The following TNRC18 variants were observed in gnomAD, a reference collection of about 807,000 sequenced individuals.
The protein encoded by TNRC18 is trinucleotide repeat-containing gene 18 protein.
A neutral mutation model predicts 226.7 loss-of-function variants in TNRC18; 69 were observed. The observed-to-expected ratio is 0.30, with a 90% CI of 0.25 to 0.37. The LOEUF (loss-of-function observed/expected upper bound fraction) is 0.37, where lower values mean the gene tolerates loss of function less well. TNRC18 is among the 10% of genes least tolerant of loss of function. The pLI, the probability that TNRC18 is intolerant of heterozygous loss-of-function variation, is 1.00. For missense variants in TNRC18, 4,754 were observed against 4,256.6 expected (o/e 1.12, Z -3.25); for synonymous variants, 2,449 against 1,927.6 (o/e 1.27, Z -7.09).
chr7:5,346,410 C>T (rs778768959), intron 17 of TNRC18, among the ~76,000 whole-genome samples: 2 of 152,130 alleles, frequency 1.3e-5, no homozygotes, highest in African/African-American at 4.8e-5. Context: ...CTCCTGGCAT[C>T]GCTTGAACCC....
chr7:5,314,715 G>A (rs891770975), intron 26 of TNRC18, among the ~76,000 whole-genome samples: 6 of 152,018 alleles, frequency 3.9e-5, no homozygotes, highest in African/African-American at 1.5e-4. Context: ...TGGGATTACA[G>A]GCACTCACCA....
At chr7:5,390,260 G>A in intron 4 of TNRC18, 1 of 559,106 alleles carries the variant, frequency 1.8e-6, no homozygotes. Context: ...AGCTACTTGG[G>A]GGGCTGAGTC....
Position 5,361,574 on chromosome 7 carries a change from C to A in TNRC18, c.4661+20G>T. The A allele has an allele frequency of 1.3e-6, 2 of 1,492,510 alleles. 1 individual carries two copies. The highest frequency in any genetic ancestry group is 2.6e-5 in the South Asian group (2 of 75,656). 92.5% of individuals were successfully genotyped at this position (1,492,510 alleles called of 1,614,324 possible). On this transcript the variant is annotated intron_variant, in intron 14 of 29. Coordinates refer to ENST00000430969, the MANE Select transcript of TNRC18 (RefSeq NM_001080495.3). ...TCAAGCTGTGTGCCAGTCCCCGACCCACCGAGGGGCCAGCCTTACTTTCCG... is the reference window on the plus strand; with the variant it reads ...TCAAGCTGTGTGCCAGTCCCCGACCAACCGAGGGGCCAGCCTTACTTTCCG...
chr7:5,376,723 G>T, intron 8 of TNRC18, 124 bp downstream of exon 8: 1 of 1,196,550 alleles, frequency 8.4e-7, no homozygotes, highest in Non-Finnish European at 1.2e-6. Flanking sequence ...CTGAACCCCG[G>T]TCCGCCTCCC....
At chr7:5,406,835 A>G (rs977974963) in intron 2 of TNRC18, among the ~76,000 whole-genome samples, 61 of 149,846 alleles carry the variant, frequency 4.1e-4, no homozygotes, top group African/African-American at 1.5e-3. Flanking sequence ...TGGGCGACAG[A>G]GCGAGACTCT....
intron 18 of TNRC18, among the ~76,000 whole-genome samples, chr7:5,343,884 T>C (rs896910932): frequency 6.6e-6 from 1 of 152,170 alleles, no homozygotes; most frequent in Admixed American, 6.5e-5. Context: ...CGCTTTATGG[T>C]TTGGAAGCAA....
rs111312278 is a variant in TNRC18, at chr7:5,351,616, A to T, written c.5470+203T>A. Among the ~76,000 whole-genome samples, 5,910 of 152,270 alleles carry T rather than the reference A, an allele frequency of 0.039. 378 individuals are homozygous for T. Among genetic ancestry groups the T allele is most frequent in the African/African-American group, 0.13 (5,567 of 41,516 alleles). On this transcript the variant is annotated intron_variant, in intron 17 of 29. Coordinates refer to ENST00000430969, the MANE Select transcript of TNRC18 (RefSeq NM_001080495.3). Reference sequence around the variant, plus strand: ...GATATTATCACAATGATACAGTACAAATCAAAGCAAAAATCAAAATCATTC... The same window carrying T: ...GATATTATCACAATGATACAGTACATATCAAAGCAAAAATCAAAATCATTC...
intron 12 of TNRC18, 118 bp downstream of exon 12, chr7:5,362,532 G>C (rs1583916961): frequency 1.0e-6 from 1 of 982,156 alleles, no homozygotes; most frequent in African/African-American, 1.7e-5. Context: ...GCTGAACGTA[G>C]CTCAGGCCTC....
intron 17 of TNRC18, among the ~76,000 whole-genome samples, chr7:5,349,621 G>A (rs146032901): frequency 3.9e-5 from 6 of 152,286 alleles, no homozygotes; most frequent in East Asian, 1.9e-4. Flanking sequence ...AGCCAGGCTC[G>A]CACCCAAGCT....
In TNRC18 at chr7:5,421,339, C is replaced by T. The variant is rs746294727; in HGVS notation, c.-93G>A. On this transcript the variant is annotated 5_prime_UTR_variant, in exon 2 of 30. Coordinates refer to ENST00000430969, the MANE Select transcript of TNRC18 (RefSeq NM_001080495.3). The stretch of plus-strand genomic sequence containing the variant: ...TTCGGCCTCGGCGTAGTCCCAGAGT[C>T]CTCGGGCGGCGGGGGCTCCGCGGCG... 24 of 1,151,610 alleles carry T rather than the reference C, an allele frequency of 2.1e-5. No individual in the cohort carries two copies. Among genetic ancestry groups the T allele is most frequent in the Non-Finnish European group, 2.5e-5 (23 of 918,082 alleles). 71.3% of individuals were successfully genotyped at this position (1,151,610 alleles called of 1,614,324 possible). A position where few individuals can be genotyped will look rare whatever the true frequency, so the allele number is the denominator to read the frequency against.
chr7:5,308,194 T>G lies in TNRC18; in HGVS notation c.8819A>C (p.Asp2940Ala). 1 of 1,607,650 alleles carries G rather than the reference T, an allele frequency of 6.2e-7. No homozygotes were observed. Among genetic ancestry groups the G allele is most frequent in the Non-Finnish European group, 8.5e-7 (1 of 1,177,774 alleles). The change falls in exon 30 of 30, where the codon GAC becomes GCC. Residue 2940 changes from aspartate (D) to alanine (A), a missense_variant. Asp to Ala is a moderately radical substitution (Grantham distance 126). Coordinates refer to ENST00000430969, the MANE Select transcript of TNRC18 (RefSeq NM_001080495.3). ...EQMLKTKKYQDSEGLYYLAGT... is the reference protein window; with the variant it reads ...EQMLKTKKYQASEGLYYLAGT... Reference sequence around the variant, plus strand: ...CGCGAGGTAGTACAGGCCCTCGCTGTCCTGGTACTTCTTGGTCTTCAGCAT... The same window carrying G: ...CGCGAGGTAGTACAGGCCCTCGCTGGCCTGGTACTTCTTGGTCTTCAGCAT...
At chr7:5,314,899 C>T in intron 26 of TNRC18, 85 bp downstream of exon 26, 1 of 1,401,396 alleles carries the variant, frequency 7.1e-7, no homozygotes, top group Non-Finnish European at 9.6e-7. Context: ...AGCAGGCAGG[C>T]ACTTCGGCAG....
intron 11 of TNRC18, among the ~76,000 whole-genome samples, chr7:5,369,324 G>A (rs997452714): frequency 5.3e-5 from 8 of 152,186 alleles, no homozygotes; most frequent in African/African-American, 1.7e-4. Context: ...ACACCAGCCT[G>A]GGTGATAGAG....
chr7:5,405,055 T>G (rs1269423782), intron 2 of TNRC18, among the ~76,000 whole-genome samples: 1 of 151,512 alleles, frequency 6.6e-6, no homozygotes, highest in Non-Finnish European at 1.5e-5. Flanking sequence ...AGACAGAGGT[T>G]GCACTGAGCC....
In TNRC18 at chr7:5,377,960, G is replaced by A. The variant is rs373724208; in HGVS notation, c.2217C>T (p.Leu739=). 172 of 1,613,180 alleles carry A rather than the reference G, an allele frequency of 1.1e-4. No homozygotes were observed. Among genetic ancestry groups the A allele is most frequent in the South Asian group, 1.2e-4 (11 of 91,040 alleles). Residue 739 remains leucine (L), a synonymous_variant, in exon 6 of 30, where the codon CTC becomes CTT. Transcript: ENST00000430969. The surrounding 1 kb of genome is among the most constrained non-coding windows in gnomAD (Gnocchi z 5.8). The part of the protein sequence containing the change: ...DRARHREERL[L]GARLDRDQEK... The stretch of plus-strand genomic sequence containing the variant: ...CCTGATCCCGGTCCAGCCGTGCCCC[G>A]AGCAGCCGTTCCTCCCGGTGTCTGG...
rs909996727 is a variant in TNRC18 at position 5,352,097 on chromosome 7, GCAGT to G, written c.5195-7_5195-4del. ...TTCGTCTTCCTCTGAGTCCGTATCT[GCAGT>G]CAAAGTAGTTTTTAATAGAGATAAG... On this transcript the variant is annotated splice_region_variant and splice_polypyrimidine_tract_variant and intron_variant, in intron 16 of 29. Coordinates refer to ENST00000430969, the MANE Select transcript of TNRC18 (RefSeq NM_001080495.3). 25 of 1,596,740 alleles carry G rather than the reference GCAGT, an allele frequency of 1.6e-5. No homozygotes were observed. The highest frequency in any genetic ancestry group is 1.9e-5 in the Non-Finnish European group (22 of 1,170,924).
Position 5,306,851 on chromosome 7 carries a change from C to CAACAAACA in TNRC18, c.*1247_*1254dup. The CAACAAACA allele has an allele frequency of 6.7e-6, 1 of 149,454 alleles. No homozygotes were observed. The highest frequency in any genetic ancestry group is 2.5e-5 in the African/African-American group (1 of 40,286). The allele number at this position is 149,454 out of a possible 1,614,324, so 9.3% of individuals were successfully genotyped here. On this transcript the variant is annotated 3_prime_UTR_variant, in exon 30 of 30. Coordinates refer to ENST00000430969, the MANE Select transcript of TNRC18 (RefSeq NM_001080495.3). ...TGAAAAAAGATCACACAGAATTTGC[C>CAACAAACA]AACAAACAAAATTCCAAAAGAAACA...
Position 5,389,180 on chromosome 7 carries a change from TC to T in TNRC18, c.643del (p.Glu215SerfsTer27), listed in dbSNP as rs1288581941. On this transcript the variant is annotated frameshift_variant, in exon 5 of 30. Transcript: ENST00000430969. LOFTEE classifies it high-confidence loss of function. ...PAKERAGRGGEPPPLFGKKDP... is the reference protein window; with the variant it reads ...PAKERAGRGGXPPPLFGKKDP... ...CTTCTTGCCGAAAAGCGGAGGCGGC[TC>T]CCCGCCGCGGCCCGCCCGCTCCTTG... 3.0e-6 allele frequency: 4 copies of T among 1,315,140 alleles called. No individual in the cohort carries two copies. The highest frequency in any genetic ancestry group is 1.8e-5 in the South Asian group (1 of 55,708). 81.5% of individuals were successfully genotyped at this position (1,315,140 alleles called of 1,614,324 possible). A position where few individuals can be genotyped will look rare whatever the true frequency, so the allele number is the denominator to read the frequency against.
intron 19 of TNRC18, chr7:5,329,818 T>C (rs1346375744): frequency 1.4e-5 from 6 of 437,330 alleles, no homozygotes; most frequent in East Asian, 7.1e-5. Flanking sequence ...CTGGACTACA[T>C]TGCCTCTTTG....
Sources: gnomAD v4.1 joint callset for allele counts (sites outside exome capture counted in the v4.1 genomes callset) on GRCh38, gnomAD v4.1.1 for gene constraint, Gnocchi (gnomAD v3.1) non-coding constraint, MANE v1.5 for transcripts, NCBI Gene and HGNC (gene_info 2026-07-23, HGNC 2026-07-21) for gene names.